Variants in ZNF471 observed in about 807,000 individuals in gnomAD.
ZNF471 encodes the protein EZFIT-related protein 1.
A neutral mutation model predicts 13.7 loss-of-function variants in ZNF471; 7 were observed. That is an observed-to-expected ratio of 0.51 (90% CI 0.29 to 0.96). The LOEUF (loss-of-function observed/expected upper bound fraction) is 0.96, where lower values mean the gene tolerates loss of function less well. ZNF471 is among the 40% of genes least tolerant of loss of function. The pLI, the probability that ZNF471 is intolerant of heterozygous loss-of-function variation, is 0.08. For synonymous variants in ZNF471, 218 were observed against 235.6 expected, an observed-to-expected ratio of 0.93 and a Z score of 0.68; for missense variants, 663 against 743.3, an observed-to-expected ratio of 0.89 and a Z score of 1.26.
chr19:56,530,206 T>TA lies in ZNF471; in HGVS notation c.*4264dup, dbSNP rs1389683771. ...TTAACTACATAAACTTTATAAAGCT[T>TA]AAAAAATGCATTCATAGTATCTTAT... On this transcript the variant is annotated 3_prime_UTR_variant, in exon 5 of 5. Transcript: ENST00000308031. The TA allele has an allele frequency of 4.0e-5, 6 of 150,106 alleles. No homozygotes were observed. Among genetic ancestry groups the TA allele is most frequent in the Non-Finnish European group, 5.9e-5 (4 of 67,344 alleles). The allele number at this position is 150,106 out of a possible 1,614,324, so 9.3% of individuals were successfully genotyped here.
In ZNF471 at chr19:56,529,953, A is replaced by G. The variant is rs1482871033; in HGVS notation, c.*4005A>G. ...CTACACCTAGTCAGTTATGTTCTCA[A>G]AAAGCACAAGTGCAGAAATATAGAT... On this transcript the variant is annotated 3_prime_UTR_variant, in exon 5 of 5. Transcript: ENST00000308031. 6.6e-6 allele frequency: 1 copy of G among 152,254 alleles called. No homozygotes were observed. Among genetic ancestry groups the G allele is most frequent in the Non-Finnish European group, 1.5e-5 (1 of 68,046 alleles). 9.4% of individuals were successfully genotyped at this position (152,254 alleles called of 1,614,324 possible).
In ZNF471 at chr19:56,508,821, G is replaced by T. The variant is rs2043771062; in HGVS notation, c.-56+901G>T. ...TGAGAGACAACATAGCGTGAGACCA[G>T]TGAGTGTGAGAGAGATGAGCACGTG... On this transcript the variant is annotated intron_variant, in intron 1 of 4. Transcript: ENST00000308031. The surrounding 1 kb of genome is among the most constrained non-coding windows in gnomAD (Gnocchi z 4.7). Among the ~76,000 whole-genome samples the T allele has an allele frequency of 6.6e-6, 1 of 152,080 alleles. No homozygotes were observed. Among genetic ancestry groups the T allele is most frequent in the African/African-American group, 2.4e-5 (1 of 41,404 alleles).
chr19:56,514,679 G>A (rs2043857525), intron 2 of ZNF471, among the ~76,000 whole-genome samples: 1 of 152,056 alleles, frequency 6.6e-6, no homozygotes, highest in African/African-American at 2.4e-5. Flanking sequence ...ATTTATTACT[G>A]TTGATGTTAA....
At chr19:56,518,637 G>C (rs2043926755) in intron 4 of ZNF471, 60 bp downstream of exon 4, 12 of 1,409,296 alleles carry the variant, frequency 8.5e-6, no homozygotes, top group Non-Finnish European at 1.1e-5. Flanking sequence ...GCCATTTTTA[G>C]AGGTGATACC....
chr19:56,509,899 T>C (rs929229472), intron 1 of ZNF471: 25 of 985,202 alleles, frequency 2.5e-5, no homozygotes, highest in South Asian at 4.7e-5. Context: ...GGTATATCAA[T>C]GTGTGAGAGA....
rs766883710 is a variant in ZNF471 at position 56,511,604 on chromosome 19, G to T, written c.33G>T (p.Gln11His). 3.7e-6 allele frequency: 6 copies of T among 1,611,906 alleles called. No homozygotes were observed. In the East Asian group the frequency reaches 1.3e-4, roughly 36 times the overall value. ...TTGAAGTAGTAAAAGTCATGCCCCA[G>T]GTTAGTGGATATTTTCTTTCTCTTC... MNVEVVKVMP[Q>H]DLVTFKDVAI... Residue 11 changes from glutamine to histidine, a missense_variant and splice_region_variant, in exon 2 of 5, where the codon CAG becomes CAT. Transcript: ENST00000308031.
In ZNF471 at chr19:56,529,224, A is replaced by G. The variant is rs996444691; in HGVS notation, c.*3276A>G. ...GGAGGTTTTGTAGAAGGTCGTATCC[A>G]TGGGTTTTTTATATTTGAAAAGTGT... On this transcript the variant is annotated 3_prime_UTR_variant, in exon 5 of 5. Coordinates refer to ENST00000308031, the MANE Select transcript of ZNF471 (RefSeq NM_020813.4). The G allele has an allele frequency of 1.3e-5, 2 of 152,232 alleles. No individual in the cohort carries two copies. The highest frequency in any genetic ancestry group is 2.9e-5 in the Non-Finnish European group (2 of 68,046). The allele number at this position is 152,232 out of a possible 1,614,324, so 9.4% of individuals were successfully genotyped here. A position where few individuals can be genotyped will look rare whatever the true frequency, so the allele number is the denominator to read the frequency against.
Position 56,508,103 on chromosome 19 carries a change from G to C in ZNF471, c.-56+183G>C, listed in dbSNP as rs2043756581. 1.0e-6 allele frequency: 1 copy of C among 985,334 alleles called. No homozygotes were observed. The allele number at this position is 985,334 out of a possible 1,614,324, so 61.0% of individuals were successfully genotyped here. ...TCTGCGGGGCGGAGGCCGCGGCTCG[G>C]GGCTGCTGGGCGTTCGGGGCGGCTT... is the stretch of plus-strand genomic sequence containing the variant. On this transcript the variant is annotated intron_variant, in intron 1 of 4. Coordinates refer to ENST00000308031, the MANE Select transcript of ZNF471 (RefSeq NM_020813.4). This position sits in a 1 kb window ranked among gnomAD's most constrained non-coding sequence, Gnocchi z 4.7.
At position 56,516,322 on chromosome 19, in the gene ZNF471, A is replaced by G. The variant is rs1367898171; in HGVS notation, c.81A>G (p.Glu27=). ...TGGCAATAGATTTTTCCCAGGAAGA[A>G]TGGCAATGGATGAACCCTGCTCAGA... ...KDVAIDFSQE[E]WQWMNPAQKR... Residue 27 remains glutamate, a synonymous_variant, in exon 3 of 5, where the codon GAA becomes GAG. Coordinates refer to ENST00000308031, the MANE Select transcript of ZNF471 (RefSeq NM_020813.4). This position sits in a 1 kb window ranked among gnomAD's most constrained non-coding sequence, Gnocchi z 4.4. 1 of 1,613,962 alleles carries G rather than the reference A, an allele frequency of 6.2e-7. No individual in the cohort carries two copies. Among genetic ancestry groups the G allele is most frequent in the East Asian group, 2.2e-5 (1 of 44,860 alleles).
rs1216391599 is a variant in ZNF471, at chr19:56,526,028, CAT to C, written c.*84_*85del. 22 of 1,391,464 alleles carry C rather than the reference CAT, an allele frequency of 1.6e-5. No individual in the cohort carries two copies. The highest frequency in any genetic ancestry group is 2.5e-5 in the Admixed American group (1 of 40,732). The allele number at this position is 1,391,464 out of a possible 1,614,324, so 86.2% of individuals were successfully genotyped here. On this transcript the variant is annotated 3_prime_UTR_variant, in exon 5 of 5. Coordinates refer to ENST00000308031, the MANE Select transcript of ZNF471 (RefSeq NM_020813.4). ...CAGAGATGTCCCACTGGATAAAAAACATATAAATGTAAGAAATGTAGAAAAAC... is the reference window on the plus strand; with the variant it reads ...CAGAGATGTCCCACTGGATAAAAAACATAAATGTAAGAAATGTAGAAAAAC...
rs3752176 is a variant in ZNF471, at chr19:56,525,284, G to A, written c.1217G>A (p.Gly406Asp). 0.45 allele frequency: 727,507 copies of A among 1,613,240 alleles called. 167,236 individuals carry two copies. Among genetic ancestry groups the A allele is most frequent in the Middle Eastern group, 0.49 (2,964 of 6,056 alleles). Residue 406 changes from glycine (G) to aspartate (D), a missense_variant, in exon 5 of 5, where the codon GGT becomes GAT. By Grantham distance (94) the Gly-to-Asp change is moderately conservative. Transcript: ENST00000308031. ...ACAGGAGAGAAACCTTACAAATGTG[G>A]TGTGTGTGGAAAAACCTTCAGCTCG... ...IHTGEKPYKC[G>D]VCGKTFSSGS...
Position 56,525,577 on chromosome 19 carries a change from A to G in ZNF471, c.1510A>G (p.Thr504Ala), listed in dbSNP as rs1012708346. The change falls in exon 5 of 5, where the codon ACT becomes GCT. Residue 504 changes from threonine to alanine, a missense_variant. Coordinates refer to ENST00000308031, the MANE Select transcript of ZNF471 (RefSeq NM_020813.4). ...KAFRISSQLA[T>A]HQRIHTGEKP... Reference sequence around the variant, plus strand: ...TTTTAGAATCAGTTCACAGCTGGCTACTCATCAGAGAATTCATACTGGAGA... The same window carrying G: ...TTTTAGAATCAGTTCACAGCTGGCTGCTCATCAGAGAATTCATACTGGAGA... 32 of 1,613,792 alleles carry G rather than the reference A, an allele frequency of 2.0e-5. No homozygotes were observed. The highest frequency in any genetic ancestry group is 2.5e-5 in the Non-Finnish European group (30 of 1,179,970).
At chr19:56,511,465 G>T (rs2043810770) in intron 1 of ZNF471, 52 bp from the exon 2 acceptor site, 2 of 1,380,458 alleles carry the variant, frequency 1.4e-6, no homozygotes, top group South Asian at 1.3e-5. Flanking sequence ...TAGTGATTCT[G>T]GGAGTGCAGC....
Position 56,508,119 on chromosome 19 carries a change from G to C in ZNF471, c.-56+199G>C, listed in dbSNP as rs574585775. 1.9e-4 allele frequency: 185 copies of C among 985,350 alleles called. 2 individuals carry two copies. In the African/African-American group the frequency reaches 2.6e-3, roughly 14 times the overall value. The allele number at this position is 985,350 out of a possible 1,614,324, so 61.0% of individuals were successfully genotyped here. The stretch of plus-strand genomic sequence containing the variant: ...CGCGGCTCGGGGCTGCTGGGCGTTC[G>C]GGGCGGCTTGGGGCGGCGGGACCAC... On this transcript the variant is annotated intron_variant, in intron 1 of 4. Coordinates refer to ENST00000308031, the MANE Select transcript of ZNF471 (RefSeq NM_020813.4). The surrounding 1 kb of genome is among the most constrained non-coding windows in gnomAD (Gnocchi z 4.7).
chr19:56,517,298 ATTTT>A (rs57499065), intron 3 of ZNF471, among the ~76,000 whole-genome samples: 2 of 100,410 alleles, frequency 2.0e-5, no homozygotes, highest in African/African-American at 4.2e-5. Flanking sequence ...CACCCAGCTA[ATTTT>A]TTTTTTTTTT....
rs2043892448 is a variant in ZNF471 at position 56,516,632 on chromosome 19, T to C, written c.160+231T>C. ...AGGCAATTGGGAACACAAGACACAATGTGAATCTCACCAGTCTCCTCAGTT... is the reference window on the plus strand; with the variant it reads ...AGGCAATTGGGAACACAAGACACAACGTGAATCTCACCAGTCTCCTCAGTT... On this transcript the variant is annotated intron_variant, in intron 3 of 4. Coordinates refer to ENST00000308031, the MANE Select transcript of ZNF471 (RefSeq NM_020813.4). The surrounding 1 kb of genome is among the most constrained non-coding windows in gnomAD (Gnocchi z 4.4). Among the ~76,000 whole-genome samples, 1 of 152,190 alleles carries C rather than the reference T, an allele frequency of 6.6e-6. No individual in the cohort carries two copies. Among genetic ancestry groups the C allele is most frequent in the Non-Finnish European group, 1.5e-5 (1 of 68,012 alleles).
intron 4 of ZNF471, among the ~76,000 whole-genome samples, chr19:56,520,049 G>A (rs1246373001): frequency 6.6e-6 from 1 of 152,176 alleles, no homozygotes; most frequent in Non-Finnish European, 1.5e-5. Context: ...GTCCACTGTG[G>A]ATAAGGAGGG....
chr19:56,525,099 A>G lies in ZNF471; in HGVS notation c.1032A>G (p.Arg344=). ...ATCAGAGATGTCACACTGGCAAAAG[A>G]CCCTATGAATGTATTGAGTGTGGGA... ...ARHQRCHTGK[R]PYECIECGKA... is the part of the protein sequence containing the mutation. The change falls in exon 5 of 5, where the codon AGA becomes AGG. Residue 344 remains arginine, a synonymous_variant. Coordinates refer to ENST00000308031, the MANE Select transcript of ZNF471 (RefSeq NM_020813.4). 6.2e-7 allele frequency: 1 copy of G among 1,613,956 alleles called. No homozygotes were observed. The highest frequency in any genetic ancestry group is 8.5e-7 in the Non-Finnish European group (1 of 1,179,978).
chr19:56,526,035 A>G lies in ZNF471; in HGVS notation c.*87A>G. 1 of 1,351,714 alleles carries G rather than the reference A, an allele frequency of 7.4e-7. No homozygotes were observed. The highest frequency in any genetic ancestry group is 1.9e-4 in the Middle Eastern group (1 of 5,198). 83.7% of individuals were successfully genotyped at this position (1,351,714 alleles called of 1,614,324 possible). A position where few individuals can be genotyped will look rare whatever the true frequency, so the allele number is the denominator to read the frequency against. ...GTCCCACTGGATAAAAAACATATAA[A>G]TGTAAGAAATGTAGAAAAACCTTCA... On this transcript the variant is annotated 3_prime_UTR_variant, in exon 5 of 5. Transcript: ENST00000308031.
Sources: gnomAD v4.1 joint callset for allele counts (sites outside exome capture counted in the v4.1 genomes callset) on GRCh38, gnomAD v4.1.1 for gene constraint, Gnocchi (gnomAD v3.1) non-coding constraint, MANE v1.5 for transcripts, NCBI Gene and HGNC (gene_info 2026-07-23, HGNC 2026-07-21) for gene names.